GCAT: variants seen among roughly 807,000 people sequenced by gnomAD.
The protein encoded by GCAT is glycine C-acetyltransferase, also known as 2-amino-3-ketobutyrate coenzyme A ligase, mitochondrial.
GCAT carries 26 observed loss-of-function variants against 39.7 expected under a neutral mutation model. That is an observed-to-expected ratio of 0.65 (90% CI 0.48 to 0.91). The LOEUF (loss-of-function observed/expected upper bound fraction) is 0.91. Among genes scored for constraint, GCAT ranks in the 40% least tolerant of loss-of-function variants. GCAT has a pLI of 0.00. For missense variants in GCAT, 550 were observed against 576.2 expected, an observed-to-expected ratio of 0.95 and a Z score of 0.47; for synonymous variants, 218 against 237.2, an observed-to-expected ratio of 0.92 and a Z score of 0.74.
At position 37,808,114 on chromosome 22, in the gene GCAT, C is replaced by G. The variant is rs1302032140; in HGVS notation, c.147C>G (p.Val49=). The change falls in exon 1 of 9, where the codon GTC becomes GTG. Residue 49 remains valine, a synonymous_variant. Coordinates refer to ENST00000248924, the MANE Select transcript of GCAT (RefSeq NM_014291.4). The part of the protein sequence containing the change: ...RGAGTWKSER[V]ITSRQGPHIR... ...CTGGCACTTGGAAGAGTGAGCGGGTCATCACGTCCCGTCAGGGGCCGCACA... is the reference window on the plus strand; with the variant it reads ...CTGGCACTTGGAAGAGTGAGCGGGTGATCACGTCCCGTCAGGGGCCGCACA... 1 of 1,558,886 alleles carries G rather than the reference C, an allele frequency of 6.4e-7. No homozygotes were observed. Among genetic ancestry groups the G allele is most frequent in the Non-Finnish European group, 8.7e-7 (1 of 1,155,568 alleles).
chr22:37,812,170 A>AC lies in GCAT; in HGVS notation c.328-717_328-716insC, dbSNP rs1921672222. Reference sequence around the variant, plus strand: ...ACATAGCAAGACCCTCTCTCTAAAAAAAAAAAAATGTTTTTAATTAGCTGG... The same window carrying AC: ...ACATAGCAAGACCCTCTCTCTAAAAACAAAAAAAATGTTTTTAATTAGCTGG... On this transcript the variant is annotated intron_variant, in intron 2 of 8. Transcript: ENST00000248924. Among the ~76,000 whole-genome samples, 4 of 151,732 alleles carry AC rather than the reference A, an allele frequency of 2.6e-5. No homozygotes were observed. In the South Asian group the frequency reaches 8.4e-4, roughly 32 times the overall value.
At chr22:37,811,531 G>T (rs1181200709) in intron 2 of GCAT, among the ~76,000 whole-genome samples, 1 of 147,954 alleles carries the variant, frequency 6.8e-6, no homozygotes, top group Admixed American at 6.8e-5. Flanking sequence ...ACATAGTACT[G>T]CTCAATGAAT....
chr22:37,814,974 G>C, intron 4 of GCAT, 152 bp from the exon 5 acceptor site: 1 of 666,562 alleles, frequency 1.5e-6, no homozygotes, highest in Non-Finnish European at 2.6e-6. Flanking sequence ...TGAGGGAGAG[G>C]ATGTTCCAGC....
At chr22:37,815,077 T>C in intron 4 of GCAT, 49 bp from the exon 5 acceptor site, 4 of 1,598,458 alleles carry the variant, frequency 2.5e-6, no homozygotes, top group Non-Finnish European at 3.4e-6. Context: ...AGACGGGTGG[T>C]TTGGCCCAAC....
rs1220912787 is a variant in GCAT at position 37,815,506 on chromosome 22, T to C, written c.814+6T>C. 1.3e-6 allele frequency: 2 copies of C among 1,597,946 alleles called. No homozygotes were observed. Among genetic ancestry groups the C allele is most frequent in the Non-Finnish European group, 1.7e-6 (2 of 1,170,326 alleles). On this transcript the variant is annotated splice_donor_region_variant and intron_variant, in intron 6 of 8. Transcript: ENST00000248924. ...GGCCCTGGGTGGAGCATCAGGTACC[T>C]GCAAGGTTGTGTCCCTGGGGTCCCC...
chr22:37,815,583 T>C, intron 6 of GCAT, 80 bp from the exon 7 acceptor site: 1 of 1,483,982 alleles, frequency 6.7e-7, no homozygotes, highest in Non-Finnish European at 9.3e-7. Context: ...GAGGGCAGCA[T>C]GGACTGTACT....
At position 37,815,830 on chromosome 22, in the gene GCAT, C is replaced by T. The variant is rs1023719413; in HGVS notation, c.982C>T (p.Gln328Ter). The T allele has an allele frequency of 6.2e-7, 1 of 1,613,892 alleles. No homozygotes were observed. The highest frequency in any genetic ancestry group is 8.5e-7 in the Non-Finnish European group (1 of 1,179,930). The change falls in exon 7 of 9, where the codon CAG becomes TAG. Residue 328 changes from glutamine (Q) to a stop codon, truncating the protein, a stop_gained. Coordinates refer to ENST00000248924, the MANE Select transcript of GCAT (RefSeq NM_014291.4). LOFTEE classifies it high-confidence loss of function. ...TGTCCAGTCTATGGCTGCCAAGACC[C>T]AGAGGTGCGACTCCCAGCAGGGCAG... ...TIVQSMAAKTQRFRSKMEAAG... is the reference protein window; with the variant it reads ...TIVQSMAAKT
At chr22:37,808,233 T>G (rs1034040791) in intron 1 of GCAT, 70 bp downstream of exon 1, 11 of 1,242,962 alleles carry the variant, frequency 8.8e-6, no homozygotes, top group Admixed American at 6.7e-5. Flanking sequence ...GTCCTGGAGG[T>G]GGGGGTGGGC....
intron 5 of GCAT, 33 bp downstream of exon 5, chr22:37,815,313 G>A: frequency 1.2e-6 from 2 of 1,607,030 alleles, no homozygotes; most frequent in Non-Finnish European, 1.7e-6. Flanking sequence ...GCCTGGGGTG[G>A]GGCTTCTGAG....
intron 7 of GCAT, 141 bp downstream of exon 7, chr22:37,815,975 T>C: frequency 9.7e-7 from 1 of 1,025,858 alleles, no homozygotes; most frequent in Non-Finnish European, 1.4e-6. Flanking sequence ...TGTCCCTGCC[T>C]CTCCCCTCTA....
In GCAT at chr22:37,816,665, C is replaced by CAGGAAG; in HGVS notation, c.1207_1208insAGGAAG (p.Arg403delinsGlnGluGly). On this transcript the variant is annotated protein_altering_variant, in exon 9 of 9. Transcript: ENST00000248924. ...AGTGCATAGCGAGGAAGACATTGAC[C>CAGGAAG]GCTGCGTGGAGGCCTTCGTGGAAGT... 6.2e-7 allele frequency: 1 copy of CAGGAAG among 1,614,098 alleles called. No homozygotes were observed. Among genetic ancestry groups the CAGGAAG allele is most frequent in the Middle Eastern group, 1.6e-4 (1 of 6,062 alleles).
At chr22:37,810,959 A>C (rs1921522038) in intron 2 of GCAT, among the ~76,000 whole-genome samples, 1 of 152,150 alleles carries the variant, frequency 6.6e-6, no homozygotes, top group Non-Finnish European at 1.5e-5. Context: ...CCTGCAAAAC[A>C]GAGTCCCTCA....
intron 1 of GCAT, among the ~76,000 whole-genome samples, chr22:37,808,945 C>A (rs919241370): frequency 1.3e-5 from 2 of 152,216 alleles, no homozygotes; most frequent in African/African-American, 4.8e-5. Flanking sequence ...CCTCAGCCTC[C>A]CAAAGTGTTG....
chr22:37,814,740 C>T (rs1921972893), intron 4 of GCAT, among the ~76,000 whole-genome samples: 2 of 152,210 alleles, frequency 1.3e-5, no homozygotes, highest in South Asian at 4.1e-4. Context: ...TCCCAAAGTC[C>T]TGGGATTACA....
chr22:37,813,643 G>A (rs56265312), intron 4 of GCAT, 34 bp downstream of exon 4: 77,074 of 1,559,388 alleles, frequency 0.049, 2,134 homozygotes, highest in Non-Finnish European at 0.058. Flanking sequence ...CTCAGCCTCC[G>A]CCTGGGGAAG....
At chr22:37,812,135 A>G (rs1921665438) in intron 2 of GCAT, among the ~76,000 whole-genome samples, 1 of 151,262 alleles carries the variant, frequency 6.6e-6, no homozygotes, top group Non-Finnish European at 1.5e-5. Context: ...GTTTGAGACC[A>G]GCCTGGGCAA....
Position 37,815,695 on chromosome 22 carries a change from T to C in GCAT, c.847T>C (p.Ser283Pro). Residue 283 changes from serine (S) to proline (P), a missense_variant, in exon 7 of 9, where the codon TCC becomes CCC. Ser to Pro is a moderately conservative substitution (Grantham distance 74). Around this residue, in one of 3 missense-constraint regions of GCAT, gnomAD observed 378 missense variants for 390.4 expected, o/e 0.97. Transcript: ENST00000248924. ...GYTTGPGPLV[S>P]LLRQRARPYL... Reference sequence around the variant, plus strand: ...CACGACAGGGCCTGGGCCCCTGGTGTCCCTGCTGCGGCAGCGCGCCCGGCC... The same window carrying C: ...CACGACAGGGCCTGGGCCCCTGGTGCCCCTGCTGCGGCAGCGCGCCCGGCC... 6.2e-7 allele frequency: 1 copy of C among 1,613,224 alleles called. No individual in the cohort carries two copies. Among genetic ancestry groups the C allele is most frequent in the South Asian group, 1.1e-5 (1 of 91,066 alleles).
At chr22:37,814,081 C>T (rs1331897302) in intron 4 of GCAT, among the ~76,000 whole-genome samples, 1 of 151,938 alleles carries the variant, frequency 6.6e-6, no homozygotes, top group African/African-American at 2.4e-5. Context: ...AGCATTATTC[C>T]ATTGTGCCAT....
At position 37,810,107 on chromosome 22, in the gene GCAT, G is replaced by A; in HGVS notation, c.277G>A (p.Glu93Lys). 6.2e-7 allele frequency: 1 copy of A among 1,614,226 alleles called. No homozygotes were observed. The highest frequency in any genetic ancestry group is 8.5e-7 in the Non-Finnish European group (1 of 1,180,032). ...EVIQAGLQAL[E>K]EFGAGLSSVR... Reference sequence around the variant, plus strand: ...GATCCAGGCAGGTCTGCAGGCTCTGGAGGAGTTTGGAGCTGGCCTCAGCTC... The same window carrying A: ...GATCCAGGCAGGTCTGCAGGCTCTGAAGGAGTTTGGAGCTGGCCTCAGCTC... The change falls in exon 2 of 9, where the codon GAG becomes AAG. Residue 93 changes from glutamate to lysine, a missense_variant. Physicochemically the swap from Glu to Lys is moderately conservative, Grantham distance 56 (BLOSUM62 1). Around this residue, in one of 3 missense-constraint regions of GCAT, gnomAD observed 154 missense variants for 141.9 expected, o/e 1.08. Coordinates refer to ENST00000248924, the MANE Select transcript of GCAT (RefSeq NM_014291.4).
Sources: allele counts gnomAD v4.1 joint callset (sites outside exome capture counted in the v4.1 genomes callset), GRCh38; gene constraint gnomAD v4.1.1; regional missense constraint gnomAD v4.1.1; transcripts MANE v1.5; gene names NCBI Gene and HGNC (gene_info 2026-07-23, HGNC 2026-07-21).